KHDC1: variants seen among roughly 807,000 people sequenced by gnomAD.
KHDC1 encodes the protein KH domain containing 1, also known as KH homology domain-containing protein 1.
In KHDC1, 21 loss-of-function variants were observed where a neutral mutation model predicts 24.7. The observed-to-expected ratio is 0.85, with a 90% confidence interval of 0.60 to 1.23. The LOEUF (loss-of-function observed/expected upper bound fraction) is 1.23, where lower values mean the gene tolerates loss of function less well. KHDC1 is among the 50% of genes most tolerant of loss of function. The pLI, the probability that KHDC1 is intolerant of heterozygous loss-of-function variation, is 0.00. For synonymous variants in KHDC1, 98 were observed against 111.7 expected (o/e 0.88, Z 0.77); for missense variants, 274 against 298.5 (o/e 0.92, Z 0.61).
chr6:73,250,045 T>C (rs186331174), intron 2 of KHDC1, among the ~76,000 whole-genome samples: 61 of 152,342 alleles, frequency 4.0e-4, no homozygotes, highest in African/African-American at 1.1e-3. Flanking sequence ...CTATGAGAAA[T>C]TGACAGCTTC....
chr6:73,261,068 C>T (rs547568283), intron 2 of KHDC1, among the ~76,000 whole-genome samples: 21 of 152,318 alleles, frequency 1.4e-4, no homozygotes, highest in African/African-American at 5.1e-4. Flanking sequence ...TTGCAAACCT[C>T]TCTTGTCTAC....
chr6:73,300,381 G>A (rs1452441140), intron 1 of KHDC1: 2 of 152,102 alleles, frequency 1.3e-5, no homozygotes, highest in East Asian at 3.8e-4. Flanking sequence ...GGTTTCCACT[G>A]ACACCTTCCC....
intron 2 of KHDC1, chr6:73,270,012 G>A (rs1178707896): frequency 6.6e-6 from 1 of 152,146 alleles, no homozygotes; most frequent in Non-Finnish European, 1.5e-5. Context: ...CTTGGCTCAA[G>A]TGATCCTCCC....
intron 1 of KHDC1, chr6:73,301,167 C>G (rs901699310): frequency 3.3e-5 from 5 of 151,866 alleles, no homozygotes; most frequent in African/African-American, 1.2e-4. Flanking sequence ...AGTGAGTGAG[C>G]CGAGATCGCA....
At chr6:73,273,683 G>A (rs1252689108) in intron 2 of KHDC1, among the ~76,000 whole-genome samples, 2 of 151,926 alleles carry the variant, frequency 1.3e-5, no homozygotes, top group African/African-American at 4.8e-5. Context: ...GGGCGTGGTG[G>A]CAGGCGCCTG....
At chr6:73,263,223 G>T (rs510551) in intron 2 of KHDC1, 27 bp from the exon 1 acceptor site, 756,437 of 986,332 alleles carry the variant, frequency 0.77, 294,971 homozygotes, top group Non-Finnish European at 0.79. Context: ...GAAGCGCGCG[G>T]CTGCGGCGCG....
chr6:73,247,109 C>T (rs1766682339), intron 2 of KHDC1, among the ~76,000 whole-genome samples: 1 of 151,918 alleles, frequency 6.6e-6, no homozygotes, highest in Admixed American at 6.6e-5. Flanking sequence ...TCCTGATTAG[C>T]TGGGATTACA....
intron 2 of KHDC1, among the ~76,000 whole-genome samples, chr6:73,288,470 C>T (rs540564722): frequency 2.6e-5 from 4 of 152,142 alleles, no homozygotes; most frequent in African/African-American, 9.6e-5. Flanking sequence ...AAAATACAAA[C>T]ATTAGCTGAG....
chr6:73,269,317 C>G (rs1443539289), intron 2 of KHDC1: 1 of 152,582 alleles, frequency 6.6e-6, no homozygotes, highest in Non-Finnish European at 1.5e-5. Context: ...GAAAGGGGCT[C>G]CCACAGTGCA....
intron 2 of KHDC1, among the ~76,000 whole-genome samples, chr6:73,255,820 TG>T (rs371204180): frequency 4.7e-5 from 7 of 149,750 alleles, no homozygotes; most frequent in Admixed American, 1.3e-4. Context: ...GAGAATCGCT[TG>T]AACCTGGGAG....
chr6:73,259,290 T>TTTTTTTTTTTTTTTTG (rs1766937247), intron 2 of KHDC1, among the ~76,000 whole-genome samples: 1 of 137,938 alleles, frequency 7.2e-6, no homozygotes, highest in African/African-American at 2.8e-5. Flanking sequence ...CTTTTTTTTT[T>TTTTTTTTTTTTTTTTG]TTTTTTTTTT....
intron 1 of KHDC1, among the ~76,000 whole-genome samples, chr6:73,298,113 C>T (rs567259720): frequency 2.0e-4 from 30 of 152,116 alleles, no homozygotes; most frequent in African/African-American, 7.2e-4. Flanking sequence ...ATCCTTGAAC[C>T]TGGGAGGCAG....
intron 2 of KHDC1, among the ~76,000 whole-genome samples, chr6:73,281,301 G>A (rs903204731): frequency 1.3e-4 from 19 of 149,808 alleles, no homozygotes; most frequent in African/African-American, 3.0e-4. Flanking sequence ...CTCATGCCAC[G>A]GCACTCCAGC....
intron 2 of KHDC1, among the ~76,000 whole-genome samples, chr6:73,250,420 C>A (rs62411448): frequency 6.6e-6 from 1 of 152,212 alleles, no homozygotes; most frequent in Non-Finnish European, 1.5e-5. Flanking sequence ...CTATTCTTAC[C>A]TTCTCACAGT....
At chr6:73,290,502 C>A in intron 2 of KHDC1, 1 of 381,568 alleles carries the variant, frequency 2.6e-6, no homozygotes, top group Non-Finnish European at 5.1e-6. Context: ...GTGATGGCAT[C>A]TATATCATAA....
At chr6:73,246,221 G>A (rs1194267882) in intron 2 of KHDC1, among the ~76,000 whole-genome samples, 1 of 152,038 alleles carries the variant, frequency 6.6e-6, no homozygotes, top group Admixed American at 6.6e-5. Flanking sequence ...CCACCACTCA[G>A]AAATATTACC....
At chr6:73,291,071 A>C in intron 2 of KHDC1, 1 of 435,888 alleles carries the variant, frequency 2.3e-6, no homozygotes, top group Non-Finnish European at 4.5e-6. Flanking sequence ...TTTCAAAGTG[A>C]ATGGACTGCT....
intron 2 of KHDC1, among the ~76,000 whole-genome samples, chr6:73,277,294 A>G (rs1024012701): frequency 1.3e-5 from 2 of 152,076 alleles, no homozygotes; most frequent in African/African-American, 2.4e-5. Context: ...GTGAAACCCC[A>G]TCTCTACTAA....
chr6:73,242,061 C>A lies in KHDC1; in HGVS notation c.508G>T (p.Ala170Ser), dbSNP rs762518328. 6.8e-6 allele frequency: 11 copies of A among 1,611,386 alleles called. No homozygotes were observed. In the East Asian group the frequency reaches 2.0e-4, roughly 29 times the overall value. The stretch of plus-strand genomic sequence containing the variant: ...TTCAGCCAAGGATACCTACCTCGAG[C>A]ATGATGATAGGAGTCCTGGCTCCCC... Residue 170 changes from alanine (A) to serine (S), a missense_variant, in exon 4 of 5, where the codon GCT becomes TCT. Coordinates refer to ENST00000370384, the Ensembl canonical transcript of KHDC1.
Sources: gnomAD v4.1 joint callset for allele counts (sites outside exome capture counted in the v4.1 genomes callset) on GRCh38, gnomAD v4.1.1 for gene constraint, MANE v1.5 for transcripts, NCBI Gene and HGNC (gene_info 2026-07-23, HGNC 2026-07-21) for gene names.